The following RLF variants were observed in gnomAD, a reference collection of about 807,000 sequenced individuals.
RLF encodes the protein zinc finger protein Rlf.
In RLF, 7 loss-of-function variants were observed where a neutral mutation model predicts 162.9. That is an observed-to-expected ratio of 0.04 (90% confidence interval 0.02 to 0.08). RLF has a LOEUF of 0.08. RLF is among the 10% of genes least tolerant of loss of function. The probability of loss-of-function intolerance (pLI) is 1.00; values close to 1 mark genes in which losing one functional copy is unlikely to be tolerated. For synonymous variants in RLF, 782 were observed against 791.5 expected (o/e 0.99, Z 0.20); for missense variants, 1,664 against 2,244.7 (o/e 0.74, Z 5.23).
intron 3 of RLF, 53 bp downstream of exon 3, chr1:40,190,906 T>C: frequency 9.1e-7 from 1 of 1,099,440 alleles, no homozygotes; most frequent in Non-Finnish European, 1.3e-6. Context: ...ACCTAATTAA[T>C]TACTCCCAGC....
At chr1:40,183,145 T>G (rs540809640) in intron 1 of RLF, among the ~76,000 whole-genome samples, 21 of 152,336 alleles carry the variant, frequency 1.4e-4, no homozygotes, top group Admixed American at 1.1e-3. Flanking sequence ...CCCTCACTTT[T>G]GCTCGTACTT....
intron 1 of RLF, among the ~76,000 whole-genome samples, chr1:40,186,130 C>T (rs113266123): frequency 2.0e-5 from 3 of 151,614 alleles, no homozygotes; most frequent in Non-Finnish European, 2.9e-5. Context: ...CGCACCCCAA[C>T]CTGGGTGACA....
chr1:40,235,172 G>T (rs964078906), intron 7 of RLF, among the ~76,000 whole-genome samples: 1 of 146,200 alleles, frequency 6.8e-6, no homozygotes, highest in African/African-American at 2.5e-5. Flanking sequence ...AAGCGATTCT[G>T]CTGCCTCAGC....
chr1:40,227,864 A>G (rs61778552), intron 6 of RLF, among the ~76,000 whole-genome samples: 7,911 of 152,098 alleles, frequency 0.052, 605 homozygotes, highest in African/African-American at 0.17. Flanking sequence ...ATAGCTGGGG[A>G]TGGTGGCGGG....
rs188122465 is a variant in RLF at position 40,226,945 on chromosome 1, A to G, written c.947+4235A>G. 1.3e-4 allele frequency among the ~76,000 whole-genome samples: 20 copies of G among 152,206 alleles called. No homozygotes were observed. In the East Asian group the frequency reaches 3.7e-3, roughly 28 times the overall value. On this transcript the variant is annotated intron_variant, in intron 6 of 7. Coordinates refer to ENST00000372771, the MANE Select transcript of RLF (RefSeq NM_012421.4). ...AATGGTGCAGTCTCAGCTCACTGCAACCTCTGCCTCCCGGGTTCAAGTGAT... is the reference window on the plus strand; with the variant it reads ...AATGGTGCAGTCTCAGCTCACTGCAGCCTCTGCCTCCCGGGTTCAAGTGAT...
Position 40,239,153 on chromosome 1 carries a change from A to G in RLF, c.4451A>G (p.Asn1484Ser), listed in dbSNP as rs773742608. Residue 1484 changes from asparagine (N) to serine (S), a missense_variant, in exon 8 of 8, where the codon AAT (asparagine) becomes AGT (serine). By Grantham distance (46) the Asn-to-Ser change is conservative. Around this residue, in one of 15 missense-constraint regions of RLF, gnomAD observed 200 missense variants for 207.3 expected, o/e 0.96. Transcript: ENST00000372771. ...TTGTTTAGAAGCCAGAAAGTAGCAA[A>G]TGAGAGACTACTAAGGAGTGAAAAG... ...DDLFRSQKVA[N>S]ERLLRSEKVC... The G allele has an allele frequency of 6.2e-7, 1 of 1,614,124 alleles. No homozygotes were observed. The highest frequency in any genetic ancestry group is 8.5e-7 in the Non-Finnish European group (1 of 1,180,018).
chr1:40,217,460 G>C (rs1038500099), intron 5 of RLF, among the ~76,000 whole-genome samples: 1 of 151,452 alleles, frequency 6.6e-6, no homozygotes, highest in African/African-American at 2.4e-5. Flanking sequence ...CACGGAGCAA[G>C]ACCCTGTCTC....
chr1:40,169,622 CAAAAAAAAAAAAAA>C (rs886534976), intron 1 of RLF, among the ~76,000 whole-genome samples: 1 of 46,992 alleles, frequency 2.1e-5, no homozygotes, highest in Admixed American at 2.3e-4. Flanking sequence ...GACTCCGTCT[CAAAAAAAAAAAAAA>C]AAAAAAAAAT....
chr1:40,165,399 A>G (rs997821464), intron 1 of RLF, among the ~76,000 whole-genome samples: 1 of 152,378 alleles, frequency 6.6e-6, no homozygotes, highest in African/African-American at 2.4e-5. Flanking sequence ...CTCAAGATCC[A>G]ATAAACGTAT....
rs1643221544 is a variant in RLF, at chr1:40,236,631, G to C, written c.1929G>C (p.Leu643Phe). ...PSAIPEQNHS[L>F]NDQAKGESHE... The stretch of plus-strand genomic sequence containing the variant: ...CAATCCCAGAGCAAAACCATTCATT[G>C]AATGACCAAGCCAAAGGAGAGTCTC... The change falls in exon 8 of 8, where the codon TTG (leucine) becomes TTC (phenylalanine). Residue 643 changes from leucine to phenylalanine, a missense_variant. Coordinates refer to ENST00000372771, the MANE Select transcript of RLF (RefSeq NM_012421.4). The surrounding 1 kb of genome is among the most constrained non-coding windows in gnomAD (Gnocchi z 7.7). The C allele has an allele frequency of 6.2e-7, 1 of 1,614,116 alleles. No individual in the cohort carries two copies.
At chr1:40,221,362 A>C (rs1420377954) in intron 5 of RLF, among the ~76,000 whole-genome samples, 2 of 152,166 alleles carry the variant, frequency 1.3e-5, no homozygotes, top group South Asian at 4.1e-4. Context: ...TATTTGAAAA[A>C]ATAAAAGTTC....
At chr1:40,193,695 A>G (rs1301071239) in intron 3 of RLF, among the ~76,000 whole-genome samples, 1 of 152,196 alleles carries the variant, frequency 6.6e-6, no homozygotes, top group Non-Finnish European at 1.5e-5. Flanking sequence ...TAGAAATATT[A>G]CTTTCTGTAT....
intron 1 of RLF, among the ~76,000 whole-genome samples, chr1:40,168,072 G>A (rs988414011): frequency 2.6e-5 from 4 of 151,760 alleles, no homozygotes; most frequent in African/African-American, 9.7e-5. Context: ...TTAGCCAGGT[G>A]TGGTAATATT....
At chr1:40,211,407 A>T (rs1170542832) in intron 5 of RLF, among the ~76,000 whole-genome samples, 1 of 152,210 alleles carries the variant, frequency 6.6e-6, no homozygotes, top group Non-Finnish European at 1.5e-5. Context: ...TGTGTTAGAC[A>T]TTGATAAGCC....
intron 1 of RLF, among the ~76,000 whole-genome samples, chr1:40,185,314 A>G (rs879500142): frequency 5.3e-5 from 8 of 151,034 alleles, no homozygotes; most frequent in Non-Finnish European, 8.9e-5. Flanking sequence ...TATTTTTAGT[A>G]GAGACAGGGT....
chr1:40,230,170 T>A (rs1643135020), intron 6 of RLF, among the ~76,000 whole-genome samples: 1 of 152,098 alleles, frequency 6.6e-6, no homozygotes. Flanking sequence ...AGTTCCCTCT[T>A]TAGAAATATA....
intron 5 of RLF, among the ~76,000 whole-genome samples, chr1:40,212,021 G>GAGTC (rs1255350356): frequency 6.6e-6 from 1 of 152,256 alleles, no homozygotes; most frequent in East Asian, 1.9e-4. Flanking sequence ...AATTACTAGT[G>GAGTC]AGTCACCAGA....
chr1:40,190,949 GT>G, intron 3 of RLF, 96 bp downstream of exon 3: 1 of 643,768 alleles, frequency 1.6e-6, no homozygotes, highest in Non-Finnish European at 2.6e-6. Context: ...ACAAAAACAA[GT>G]TTATTATATA....
chr1:40,199,628 A>G (rs529723193), intron 4 of RLF, among the ~76,000 whole-genome samples: 1 of 152,316 alleles, frequency 6.6e-6, no homozygotes, highest in Admixed American at 6.5e-5. Flanking sequence ...AGAAAACTAA[A>G]TGTGGGGAAA....
Sources: gnomAD v4.1 joint callset for allele counts (sites outside exome capture counted in the v4.1 genomes callset) on GRCh38, gnomAD v4.1.1 for gene constraint, gnomAD v4.1.1 regional missense constraint, Gnocchi (gnomAD v3.1) non-coding constraint, MANE v1.5 for transcripts, NCBI Gene and HGNC (gene_info 2026-07-23, HGNC 2026-07-21) for gene names.